The following BCAS4 variants were observed in gnomAD, a reference collection of about 807,000 sequenced individuals.
The protein encoded by BCAS4 is breast carcinoma-amplified sequence 4.
A neutral mutation model predicts 15.7 loss-of-function variants in BCAS4; 9 were observed. That is an observed-to-expected ratio of 0.57 (90% CI 0.34 to 1.00). The LOEUF is 1.00. Ranked by LOEUF, BCAS4 falls within the 50% of genes least tolerant of loss-of-function variation. The pLI, the probability that BCAS4 is intolerant of heterozygous loss-of-function variation, is 0.02. For missense variants in BCAS4, 225 were observed against 239.1 expected (o/e 0.94, Z 0.39); for synonymous variants, 101 against 99.5 (o/e 1.02, Z -0.09).
chr20:50,806,895 C>T (rs1258411824), intron 1 of BCAS4, among the ~76,000 whole-genome samples: 3 of 125,392 alleles, frequency 2.4e-5, no homozygotes, highest in Non-Finnish European at 4.8e-5. Context: ...TTTTTGAGAC[C>T]GAGTCTCACT....
At chr20:50,869,283 G>A (rs920847872) in intron 4 of BCAS4, among the ~76,000 whole-genome samples, 2 of 152,194 alleles carry the variant, frequency 1.3e-5, no homozygotes, top group Admixed American at 1.3e-4. Flanking sequence ...TCTAGCAGCA[G>A]GCACCTGAGC....
rs2145694 is a variant in BCAS4 at position 50,841,947 on chromosome 20, G to A, written c.399+47G>A. 47 of 1,515,524 alleles carry A rather than the reference G, an allele frequency of 3.1e-5. No individual in the cohort carries two copies. The African/African-American group carries it at 3.8e-4, about 12-fold the overall frequency. The allele number at this position is 1,515,524 out of a possible 1,614,324, so 93.9% of individuals were successfully genotyped here. On this transcript the variant is annotated intron_variant, in intron 4 of 4. Transcript: ENST00000371608. ...GTGAGGGGAGGGCCTCTCCCCCTTC[G>A]CTCCGCAGACCCCAGCGTGGGGAGG... is the stretch of plus-strand genomic sequence containing the variant.
intron 4 of BCAS4, among the ~76,000 whole-genome samples, chr20:50,873,993 G>T (rs954305215): frequency 2.6e-5 from 4 of 152,170 alleles, no homozygotes; most frequent in Admixed American, 2.0e-4. Flanking sequence ...GTGTGATGTG[G>T]TGGTAAGTCA....
At chr20:50,818,166 C>T (rs1418766479) in intron 1 of BCAS4, 45 bp from the exon 2 acceptor site, 1 of 1,591,144 alleles carries the variant, frequency 6.3e-7, no homozygotes, top group Non-Finnish European at 8.6e-7. Context: ...TGTTTGTCTC[C>T]CTGGAAACCA....
intron 1 of BCAS4, among the ~76,000 whole-genome samples, chr20:50,809,421 T>A (rs2123759552): frequency 6.6e-6 from 1 of 152,072 alleles, no homozygotes; most frequent in East Asian, 1.9e-4. Context: ...GTTGGCCAGG[T>A]TAGTCTTGAA....
chr20:50,857,916 T>G lies in BCAS4; in HGVS notation c.399+16016T>G, dbSNP rs541670730. 9.9e-5 allele frequency among the ~76,000 whole-genome samples: 15 copies of G among 152,276 alleles called. No individual in the cohort carries two copies. In the South Asian group the frequency reaches 2.9e-3, roughly 29 times the overall value. ...GGATGTTCTCCTCTTTCCCTCTGTC[T>G]CTAGGGTTCTTGAGCCTGGAGACCA... is the stretch of plus-strand genomic sequence containing the variant. On this transcript the variant is annotated intron_variant, in intron 4 of 4. Coordinates refer to ENST00000371608, the MANE Select transcript of BCAS4 (RefSeq NM_198799.4).
At chr20:50,812,315 A>G (rs1035608544) in intron 1 of BCAS4, among the ~76,000 whole-genome samples, 34 of 151,572 alleles carry the variant, frequency 2.2e-4, no homozygotes, top group African/African-American at 8.2e-4. Flanking sequence ...TGTATTTTTT[A>G]GTAGAGACGG....
rs185143660 is a variant in BCAS4, at chr20:50,829,798, G to A, written c.163-481G>A. Among the ~76,000 whole-genome samples, 4 of 152,136 alleles carry A rather than the reference G, an allele frequency of 2.6e-5. No homozygotes were observed. In the East Asian group the frequency reaches 7.7e-4, roughly 29 times the overall value. The stretch of plus-strand genomic sequence containing the variant: ...AAACTAAAGGAGATGGTGCAAGGAA[G>A]TACTTAGGACAGTGCCTGCGTGTCG... On this transcript the variant is annotated intron_variant, in intron 2 of 4. Coordinates refer to ENST00000371608, the MANE Select transcript of BCAS4 (RefSeq NM_198799.4).
At chr20:50,847,913 T>C (rs1490198342) in intron 4 of BCAS4, among the ~76,000 whole-genome samples, 1 of 151,744 alleles carries the variant, frequency 6.6e-6, no homozygotes, top group African/African-American at 2.4e-5. Flanking sequence ...GGGGTGGTGG[T>C]GCATGCCTGT....
At chr20:50,839,164 G>A (rs532804262) in intron 3 of BCAS4, among the ~76,000 whole-genome samples, 1 of 152,318 alleles carries the variant, frequency 6.6e-6, no homozygotes, top group Admixed American at 6.5e-5. Flanking sequence ...TTTACTAATG[G>A]AACAAAGCAG....
intron 3 of BCAS4, among the ~76,000 whole-genome samples, chr20:50,834,392 T>G (rs2088382290): frequency 6.7e-6 from 1 of 149,298 alleles, no homozygotes; most frequent in African/African-American, 2.5e-5. Flanking sequence ...GCCTCCCAGG[T>G]TCGAGCGATT....
At chr20:50,858,946 T>TTAC (rs1248272356) in intron 4 of BCAS4, among the ~76,000 whole-genome samples, 4 of 151,026 alleles carry the variant, frequency 2.6e-5, no homozygotes, top group Non-Finnish European at 4.4e-5. Context: ...ATTATTATTA[T>TTAC]TGTGTGACAC....
chr20:50,818,161 G>A (rs1326173575), intron 1 of BCAS4, 50 bp from the exon 2 acceptor site: 2 of 1,457,928 alleles, frequency 1.4e-6, no homozygotes, highest in South Asian at 2.4e-5. Context: ...AAGGGTGTTT[G>A]TCTCCCTGGA....
chr20:50,817,685 C>T (rs1368796551), intron 1 of BCAS4, among the ~76,000 whole-genome samples: 3 of 152,156 alleles, frequency 2.0e-5, no homozygotes, highest in African/African-American at 7.2e-5. Flanking sequence ...TGGTCTCAAA[C>T]TCCTGACCTC....
At chr20:50,802,497 G>A (rs1056615962) in intron 1 of BCAS4, among the ~76,000 whole-genome samples, 2 of 152,260 alleles carry the variant, frequency 1.3e-5, no homozygotes, top group African/African-American at 2.4e-5. Flanking sequence ...ACATGGCCTT[G>A]CTTTAGGTGA....
intron 4 of BCAS4, among the ~76,000 whole-genome samples, chr20:50,843,403 G>A (rs1418097537): frequency 6.6e-6 from 1 of 152,190 alleles, no homozygotes; most frequent in African/African-American, 2.4e-5. Flanking sequence ...AAGTGTCAGG[G>A]GTTCTGCCCG....
chr20:50,795,142 CG>C lies in BCAS4; in HGVS notation c.60del (p.Leu21SerfsTer3). ...ATGCGCAGCGGGGCGCGCGAGCTCG[CG>C]CTCTTCCTGACCCCCGAGCCTGGGG... Reference protein sequence around the residue: ...EPMRSGARELALFLTPEPGAE... With the variant: ...EPMRSGARELXLFLTPEPGAE... On this transcript the variant is annotated frameshift_variant, in exon 1 of 5. Transcript: ENST00000371608. LOFTEE classifies it high-confidence loss of function. 1.4e-6 allele frequency: 2 copies of C among 1,472,504 alleles called. No individual in the cohort carries two copies. The highest frequency in any genetic ancestry group is 1.8e-6 in the Non-Finnish European group (2 of 1,108,500). 91.2% of individuals were successfully genotyped at this position (1,472,504 alleles called of 1,614,324 possible).
chr20:50,823,892 T>C (rs2088246362), intron 2 of BCAS4, among the ~76,000 whole-genome samples: 1 of 152,140 alleles, frequency 6.6e-6, no homozygotes, highest in Non-Finnish European at 1.5e-5. Flanking sequence ...TATGTGCGGA[T>C]TCATCAAGCT....
chr20:50,802,068 C>T (rs112859016), intron 1 of BCAS4, among the ~76,000 whole-genome samples: 8 of 152,184 alleles, frequency 5.3e-5, no homozygotes, highest in African/African-American at 1.9e-4. Context: ...GGTGTGGTAG[C>T]TCATGCCTGT....
Sources: gnomAD v4.1 joint callset for allele counts (sites outside exome capture counted in the v4.1 genomes callset) on GRCh38, gnomAD v4.1.1 for gene constraint, MANE v1.5 for transcripts, NCBI Gene and HGNC (gene_info 2026-07-23, HGNC 2026-07-21) for gene names.